DCC: variants seen among roughly 807,000 people sequenced by gnomAD.
DCC encodes the protein DCC netrin 1 receptor.
DCC carries 58 observed loss-of-function variants against 172.5 expected under a neutral mutation model. The ratio of observed to expected loss-of-function variants is 0.34; its 90% confidence interval spans 0.27 to 0.42. DCC has a LOEUF of 0.42. DCC is among the 10% of genes least tolerant of loss of function. The probability of loss-of-function intolerance (pLI) is 1.00; values close to 1 mark genes in which losing one functional copy is unlikely to be tolerated. For synonymous variants in DCC, 709 were observed against 644.5 expected (o/e 1.10, Z -1.52); for missense variants, 1,740 against 1,791.0 (o/e 0.97, Z 0.51).
intron 1 of DCC, among the ~76,000 whole-genome samples, chr18:52,514,925 C>A (rs2144654429): frequency 6.6e-6 from 1 of 152,230 alleles, no homozygotes; most frequent in South Asian, 2.1e-4. Flanking sequence ...CAGTCTTTCC[C>A]AGCAAACAGA....
chr18:52,996,742 T>C (rs1370489857), intron 5 of DCC, among the ~76,000 whole-genome samples: 1 of 151,546 alleles, frequency 6.6e-6, no homozygotes, highest in East Asian at 1.9e-4. Context: ...CTACTTGATT[T>C]ATTTCTCTTC....
chr18:52,839,475 T>C (rs1323814667), intron 2 of DCC, among the ~76,000 whole-genome samples: 1 of 152,150 alleles, frequency 6.6e-6, no homozygotes, highest in Non-Finnish European at 1.5e-5. Flanking sequence ...ACAATTACAG[T>C]CCTCTCATTA....
At chr18:52,593,581 A>G (rs2033847319) in intron 1 of DCC, among the ~76,000 whole-genome samples, 1 of 152,214 alleles carries the variant, frequency 6.6e-6, no homozygotes, top group Admixed American at 6.5e-5. Context: ...TTAAAATTTA[A>G]TATTTACATG....
At chr18:53,312,682 G>T (rs1467028598) in intron 13 of DCC, among the ~76,000 whole-genome samples, 14 of 149,902 alleles carry the variant, frequency 9.3e-5, no homozygotes, top group Non-Finnish European at 1.8e-4. Flanking sequence ...CGTGGCAGGC[G>T]CCTGTAATCC....
At chr18:53,111,988 G>T (rs1299128893) in intron 7 of DCC, among the ~76,000 whole-genome samples, 2 of 151,518 alleles carry the variant, frequency 1.3e-5, no homozygotes, top group Non-Finnish European at 3.0e-5. Context: ...TTTCATCGTG[G>T]CCTGAATGTT....
intron 14 of DCC, among the ~76,000 whole-genome samples, chr18:53,337,653 A>T (rs1271796817): frequency 6.6e-6 from 1 of 152,234 alleles, no homozygotes; most frequent in African/African-American, 2.4e-5. Flanking sequence ...TTTGGGGGAA[A>T]AAAAAGCATC....
intron 5 of DCC, among the ~76,000 whole-genome samples, chr18:52,950,382 C>T (rs763937157): frequency 6.6e-6 from 1 of 152,160 alleles, no homozygotes; most frequent in East Asian, 1.9e-4. Flanking sequence ...AATAAATCAA[C>T]TCTTTAAAAA....
chr18:52,930,262 A>G (rs1242220902), intron 5 of DCC, among the ~76,000 whole-genome samples: 1 of 151,862 alleles, frequency 6.6e-6, no homozygotes, highest in Non-Finnish European at 1.5e-5. Flanking sequence ...ATCGCACCCA[A>G]CCTTCAGCTT....
At chr18:53,340,843 G>C (rs899156685) in intron 15 of DCC, among the ~76,000 whole-genome samples, 1 of 152,064 alleles carries the variant, frequency 6.6e-6, no homozygotes, top group African/African-American at 2.4e-5. Flanking sequence ...GTAGGGGGTG[G>C]GGGGATCTGC....
intron 1 of DCC, among the ~76,000 whole-genome samples, chr18:52,554,603 T>C (rs114036389): frequency 1.3e-3 from 204 of 152,230 alleles, no homozygotes; most frequent in African/African-American, 4.7e-3. Flanking sequence ...CTTGATGTTG[T>C]TCAACAATAA....
intron 5 of DCC, among the ~76,000 whole-genome samples, chr18:53,042,044 G>C (rs532986070): frequency 4.6e-5 from 7 of 152,022 alleles, no homozygotes; most frequent in Admixed American, 2.0e-4. Context: ...ATACTGTGTT[G>C]AACGGGAGTG....
At chr18:52,841,400 G>A (rs748257056) in intron 2 of DCC, among the ~76,000 whole-genome samples, 3 of 152,098 alleles carry the variant, frequency 2.0e-5, no homozygotes, top group African/African-American at 4.8e-5. Context: ...CCTTGAACTT[G>A]CAGCTGAAAC....
chr18:53,257,032 A>G (rs2056526361), intron 12 of DCC, among the ~76,000 whole-genome samples: 4 of 152,148 alleles, frequency 2.6e-5, no homozygotes, highest in Non-Finnish European at 5.9e-5. Context: ...TTGGTGTATA[A>G]GAATGCTTGT....
At chr18:52,810,000 T>C (rs548394708) in intron 2 of DCC, among the ~76,000 whole-genome samples, 15 of 152,216 alleles carry the variant, frequency 9.9e-5, no homozygotes, top group African/African-American at 3.6e-4. Flanking sequence ...CCAGCTAGGC[T>C]TGGGAATTCT....
At chr18:52,395,060 A>G (rs1986169940) in intron 1 of DCC, among the ~76,000 whole-genome samples, 1 of 152,012 alleles carries the variant, frequency 6.6e-6, no homozygotes, top group Non-Finnish European at 1.5e-5. Flanking sequence ...ACATCTATCA[A>G]CTGTACAAGC....
At chr18:53,045,584 A>G (rs11661483) in intron 5 of DCC, among the ~76,000 whole-genome samples, 49,630 of 151,646 alleles carry the variant, frequency 0.33, 9,014 homozygotes, top group Non-Finnish European at 0.42. Flanking sequence ...TACAATATGC[A>G]AGGTCCTCTA....
At chr18:52,715,675 A>G (rs1442688716) in intron 1 of DCC, among the ~76,000 whole-genome samples, 3 of 152,034 alleles carry the variant, frequency 2.0e-5, no homozygotes, top group African/African-American at 2.4e-5. Flanking sequence ...AGCCCCAACT[A>G]AAACGGCACT....
intron 1 of DCC, among the ~76,000 whole-genome samples, chr18:52,734,022 A>G (rs1250689269): frequency 6.6e-6 from 1 of 152,206 alleles, no homozygotes; most frequent in Non-Finnish European, 1.5e-5. Flanking sequence ...AAATAAATAT[A>G]TTTCAAACTA....
chr18:53,170,934 G>A (rs140178695), intron 8 of DCC, among the ~76,000 whole-genome samples: 4 of 152,210 alleles, frequency 2.6e-5, no homozygotes, highest in African/African-American at 9.6e-5. Context: ...CACCCAAGCT[G>A]GAGTGTAATG....
Sources: gnomAD v4.1 joint callset for allele counts (sites outside exome capture counted in the v4.1 genomes callset) on GRCh38, gnomAD v4.1.1 for gene constraint, MANE v1.5 for transcripts, NCBI Gene and HGNC (gene_info 2026-07-23, HGNC 2026-07-21) for gene names.